NBPF8: variants seen among roughly 807,000 people sequenced by gnomAD.
NBPF8 encodes NBPF member 8.
At chr1:120,468,496 C>T (rs1553251028), downstream of NBPF8, among the ~76,000 whole-genome samples, 97,255 of 135,888 alleles carry the variant, frequency 0.72, 35,936 homozygotes, top group African/African-American at 0.91. Flanking sequence ...AGATATTGTC[C>T]TCCTTGGGGG....
upstream of NBPF8, chr1:120,432,557 A>G (rs1660909652): frequency 6.6e-6 from 1 of 151,070 alleles, no homozygotes; most frequent in African/African-American, 2.4e-5. Context: ...GTACAAACAT[A>G]CATGGTATAG....
chr1:120,464,615 TC>T, intron 23 of NBPF8, 67 bp downstream of exon 21: 1 of 785,086 alleles, frequency 1.3e-6, no homozygotes. Flanking sequence ...ATGTTCCTGC[TC>T]CAAGTGGCCA....
chr1:120,427,027 A>AT (rs1453584636), intron 2 of NBPF8, among the ~76,000 whole-genome samples: 1 of 120,030 alleles, frequency 8.3e-6, no homozygotes, highest in East Asian at 2.0e-4. Context: ...ATTATTTATC[A>AT]TTTTTCTCAC....
chr1:120,431,024 C>G (rs1660860206), intron 3 of NBPF8, among the ~76,000 whole-genome samples: 1 of 148,390 alleles, frequency 6.7e-6, no homozygotes, highest in South Asian at 2.1e-4. Flanking sequence ...TGTCAATGAT[C>G]AAGAATAATA....
chr1:120,430,528 G>C (rs1264419480), intron 3 of NBPF8, among the ~76,000 whole-genome samples: 1 of 121,164 alleles, frequency 8.3e-6, no homozygotes, highest in Non-Finnish European at 1.7e-5. Context: ...GCCGAGGTGG[G>C]CAGATCATGA....
intron 1 of NBPF8, among the ~76,000 whole-genome samples, chr1:120,425,326 A>G (rs1660692354): frequency 6.6e-6 from 1 of 151,784 alleles, no homozygotes; most frequent in African/African-American, 2.4e-5. Flanking sequence ...ATAGGAGAAA[A>G]CCGCCTTAGG....
upstream of NBPF8, among the ~76,000 whole-genome samples, chr1:120,431,615 A>T (rs1660883644): frequency 6.6e-6 from 1 of 151,012 alleles, no homozygotes; most frequent in Non-Finnish European, 1.5e-5. Flanking sequence ...GCTAAAATTA[A>T]AAAGGCTGAA....
chr1:120,432,392 T>C (rs1297008972), upstream of NBPF8: 25 of 76,616 alleles, frequency 3.3e-4, no homozygotes, highest in African/African-American at 1.7e-3. Flanking sequence ...TTTTTTTTCC[T>C]CTTAATATTT....
At chr1:120,428,351 A>G (rs1376650917) in intron 3 of NBPF8, among the ~76,000 whole-genome samples, 16 of 152,326 alleles carry the variant, frequency 1.1e-4, no homozygotes, top group African/African-American at 3.6e-4. Context: ...AAAGTAGCCA[A>G]AAAGAAACCA....
chr1:120,454,219 A>T, intron 15 of NBPF8, 105 bp downstream of exon 13: 1 of 1,502,000 alleles, frequency 6.7e-7, no homozygotes, highest in Non-Finnish European at 9.2e-7. Context: ...AAAAACTGTG[A>T]TGGGTTTCTA....
chr1:120,455,299 A>G, intron 15 of NBPF8, 110 bp from the exon 14 acceptor site: 1 of 662,988 alleles, frequency 1.5e-6, no homozygotes, highest in Non-Finnish European at 2.7e-6. Context: ...CAGAATCCTT[A>G]TTCTTGCACT....
At chr1:120,456,576 G>A (rs1162017713) in intron 16 of NBPF8, among the ~76,000 whole-genome samples, 648 of 126,058 alleles carry the variant, frequency 5.1e-3, no homozygotes, top group African/African-American at 0.024. Context: ...TCAGAGACTA[G>A]GATTGCAACC....
rs2101558336 is a variant in NBPF8 at position 120,430,494 on chromosome 1, C to G, written n.510+2647C>G. Among the ~76,000 whole-genome samples, 2 of 113,312 alleles carry G rather than the reference C, an allele frequency of 1.8e-5. 1 individual carries two copies. Among genetic ancestry groups the G allele is most frequent in the South Asian group, 4.7e-4 (2 of 4,240 alleles). 74.3% of individuals were successfully genotyped at this position (113,312 alleles called of 152,430 possible). On this transcript the variant is annotated intron_variant and non_coding_transcript_variant, in intron 3 of 28. Coordinates refer to the NBPF8 transcript ENST00000652355. ...AACAGACGGGGCACCGTGGCTCACA[C>G]CTGTAATCTCAGCACTTTGGGAGGC...
intron 19 of NBPF8, 125 bp from the exon 18 acceptor site, chr1:120,462,021 T>G: frequency 2.9e-6 from 1 of 346,128 alleles, no homozygotes; most frequent in Non-Finnish European, 5.0e-6. Context: ...CTGAAGAATA[T>G]CTCTCACAGT....
chr1:120,430,284 C>T (rs1660839720), intron 3 of NBPF8, among the ~76,000 whole-genome samples: 2 of 134,420 alleles, frequency 1.5e-5, no homozygotes, highest in East Asian at 4.0e-4. Flanking sequence ...GTTAACAATG[C>T]TAGAAATCTA....
At chr1:120,460,385 G>T (rs1661546509) in intron 17 of NBPF8, among the ~76,000 whole-genome samples, 188 bp from the exon 16 acceptor site, 1 of 152,138 alleles carries the variant, frequency 6.6e-6, no homozygotes, top group African/African-American at 2.4e-5. Context: ...TTTGCCCAAG[G>T]CTCATGAAAG....
Position 120,452,608 on chromosome 1 carries a change from G to A in NBPF8, n.2289+277G>A, listed in dbSNP as rs1553249090. 4.6e-5 allele frequency among the ~76,000 whole-genome samples: 7 copies of A among 152,346 alleles called. No homozygotes were observed. In the East Asian group the frequency reaches 1.2e-3, roughly 25 times the overall value. ...TTTTAAAGGACAGGAAGGAGGCTGC[G>A]ATGGGAGCAGGCTTGTTAGAGTGAA... is the stretch of plus-strand genomic sequence containing the variant. On this transcript the variant is annotated intron_variant and non_coding_transcript_variant, in intron 13 of 24. Transcript: ENST00000583271.
intron 24 of NBPF8, among the ~76,000 whole-genome samples, chr1:120,465,766 C>A: frequency 6.6e-6 from 1 of 151,712 alleles, no homozygotes; most frequent in African/African-American, 2.4e-5. Flanking sequence ...CTCTCTGTCT[C>A]TGTCTCTGTC....
chr1:120,445,680 C>G, intron 7 of NBPF8: 4 of 162,622 alleles, frequency 2.5e-5, no homozygotes, highest in South Asian at 1.3e-4. Context: ...TCTGTTCTTT[C>G]TCTTGGCCAC....
Sources: gnomAD v4.1 joint callset for allele counts (sites outside exome capture counted in the v4.1 genomes callset) on GRCh38, gnomAD v4.1.1 for gene constraint, MANE v1.5 for transcripts, NCBI Gene and HGNC (gene_info 2026-07-23, HGNC 2026-07-21) for gene names.